TMCC3: variants seen among roughly 807,000 people sequenced by gnomAD.
The protein encoded by TMCC3 is transmembrane and coiled-coil domain family 3.
Under a neutral mutation model 40.2 loss-of-function variants are expected in TMCC3, and 28 were observed. That is an observed-to-expected ratio of 0.70 (90% CI 0.52 to 0.95). TMCC3 has a LOEUF of 0.95. TMCC3 is among the 40% of genes least tolerant of loss of function. The pLI is 0.00. For synonymous variants in TMCC3, 255 were observed against 248.5 expected (o/e 1.03, Z -0.25); for missense variants, 554 against 615.2 (o/e 0.90, Z 1.05).
intron 1 of TMCC3, among the ~76,000 whole-genome samples, chr12:94,587,403 T>C (rs1180955606): frequency 6.6e-6 from 1 of 152,202 alleles, no homozygotes; most frequent in Non-Finnish European, 1.5e-5. Flanking sequence ...CAAGCTATCA[T>C]TACTGTGAGA....
intron 1 of TMCC3, among the ~76,000 whole-genome samples, chr12:94,599,556 A>ACC (rs10545928): frequency 4.0e-4 from 28 of 69,560 alleles, no homozygotes; most frequent in African/African-American, 1.2e-3. Flanking sequence ...TTTAAAAGAT[A>ACC]CCCCCCCCCC....
intron 1 of TMCC3, among the ~76,000 whole-genome samples, chr12:94,622,571 A>G (rs1242036012): frequency 1.3e-5 from 2 of 152,174 alleles, no homozygotes; most frequent in Admixed American, 1.3e-4. Context: ...TGCGATTCAA[A>G]TCTGTAATGG....
intron 1 of TMCC3, among the ~76,000 whole-genome samples, chr12:94,634,121 T>C (rs2068947897): frequency 6.6e-6 from 1 of 151,972 alleles, no homozygotes; most frequent in Non-Finnish European, 1.5e-5. Context: ...TGTTTTGTAT[T>C]TTTAGTAGAG....
At chr12:94,572,068 C>T (rs1432185901) in intron 3 of TMCC3, among the ~76,000 whole-genome samples, 1 of 152,144 alleles carries the variant, frequency 6.6e-6, no homozygotes, top group Non-Finnish European at 1.5e-5. Flanking sequence ...GGTGCGATCT[C>T]AGCTCACTGC....
chr12:94,634,144 C>T (rs950615457), intron 1 of TMCC3, among the ~76,000 whole-genome samples: 10 of 151,880 alleles, frequency 6.6e-5, no homozygotes, highest in African/African-American at 1.7e-4. Context: ...GAGGTTTCAC[C>T]GTGTTGGCCA....
At chr12:94,623,428 C>T (rs1351197553) in intron 1 of TMCC3, among the ~76,000 whole-genome samples, 1 of 152,208 alleles carries the variant, frequency 6.6e-6, no homozygotes, top group African/African-American at 2.4e-5. Flanking sequence ...GCAGCTTGTT[C>T]AAGCTACCAG....
At chr12:94,578,976 A>G (rs2138822130) in intron 2 of TMCC3, among the ~76,000 whole-genome samples, 1 of 152,318 alleles carries the variant, frequency 6.6e-6, no homozygotes, top group South Asian at 2.1e-4. Context: ...GGAAAGCACC[A>G]TGCTTTTAGT....
At chr12:94,633,072 C>T (rs935850191) in intron 1 of TMCC3, among the ~76,000 whole-genome samples, 7 of 152,018 alleles carry the variant, frequency 4.6e-5, no homozygotes, top group Non-Finnish European at 7.3e-5. Context: ...CACCATTGCA[C>T]TGCAGCCTGG....
chr12:94,582,765 G>A (rs563166897), intron 1 of TMCC3, among the ~76,000 whole-genome samples: 1 of 152,120 alleles, frequency 6.6e-6, no homozygotes, highest in Admixed American at 6.6e-5. Context: ...ATCTCCCAGG[G>A]TATCCACTTT....
chr12:94,593,029 T>C (rs1227451147), intron 1 of TMCC3, among the ~76,000 whole-genome samples: 3 of 151,892 alleles, frequency 2.0e-5, no homozygotes, highest in Non-Finnish European at 4.4e-5. Flanking sequence ...AAACCCCGTC[T>C]CTAATAAAAA....
intron 1 of TMCC3, chr12:94,616,326 G>A (rs2068847917): frequency 6.5e-6 from 1 of 153,454 alleles, no homozygotes; most frequent in African/African-American, 2.4e-5. Context: ...TTACCAATAA[G>A]GAAATGGGCT....
Position 94,650,411 on chromosome 12 carries a change from G to A in TMCC3, c.20C>T (p.Ala7Val). The A allele has an allele frequency of 1.5e-6, 2 of 1,313,750 alleles. No homozygotes were observed. Among genetic ancestry groups the A allele is most frequent in the Non-Finnish European group, 2.0e-6 (2 of 1,025,198 alleles). The allele number at this position is 1,313,750 out of a possible 1,614,324, so 81.4% of individuals were successfully genotyped here. The change falls in exon 1 of 4, where the codon GCG (alanine) becomes GTG (valine). Residue 7 changes from alanine (A) to valine (V), a missense_variant. Ala to Val is a moderately conservative substitution (Grantham distance 64). Transcript: ENST00000261226. MPGSDT[A>V]LTVDRTYSYP... is the part of the protein sequence containing the mutation. ...CGAGTAGGTCCGGTCCACGGTGAGC[G>A]CCGTGTCGCTGCCCGGCATCTCCGC...
Position 94,629,985 on chromosome 12 carries a change from G to A in TMCC3, c.78+20368C>T, listed in dbSNP as rs533532673. Among the ~76,000 whole-genome samples the A allele has an allele frequency of 3.1e-3, 475 of 152,292 alleles. 6 individuals carry two copies. Among genetic ancestry groups the A allele is most frequent in the African/African-American group, 0.011 (460 of 41,556 alleles). ...TTTTACAAAAGATATGAAGATACAG[G>A]CCAGGCGTGGTGGCTCATGCCTGTA... On this transcript the variant is annotated intron_variant, in intron 1 of 3. Transcript: ENST00000261226.
intron 1 of TMCC3, among the ~76,000 whole-genome samples, chr12:94,608,959 C>T (rs748819656): frequency 2.2e-4 from 34 of 152,292 alleles, no homozygotes; most frequent in Admixed American, 1.6e-3. Context: ...TTGGGCCAGG[C>T]GCTGTGGCCC....
chr12:94,587,425 C>T (rs1014726904), intron 1 of TMCC3, among the ~76,000 whole-genome samples: 7 of 152,304 alleles, frequency 4.6e-5, no homozygotes, highest in Non-Finnish European at 1.0e-4. Context: ...AGTACTGCAT[C>T]ATAAAAAGCC....
chr12:94,598,653 A>C (rs1291461810), intron 1 of TMCC3: 1 of 985,308 alleles, frequency 1.0e-6, no homozygotes, highest in Non-Finnish European at 1.2e-6. Context: ...CTAAAGCTCC[A>C]GCAGGTTCTA....
At chr12:94,630,260 A>ACC (rs1485205644) in intron 1 of TMCC3, among the ~76,000 whole-genome samples, 110 of 148,204 alleles carry the variant, frequency 7.4e-4, no homozygotes, top group Admixed American at 1.7e-3. Context: ...CTGTCCCAAA[A>ACC]AAAAAAAAAA....
intron 1 of TMCC3, among the ~76,000 whole-genome samples, chr12:94,623,486 A>G (rs984411769): frequency 6.6e-6 from 1 of 152,236 alleles, no homozygotes; most frequent in Non-Finnish European, 1.5e-5. Context: ...CCTTCATTCA[A>G]CCAGCACTTA....
chr12:94,615,117 T>A (rs541983805), intron 1 of TMCC3, among the ~76,000 whole-genome samples: 1 of 152,272 alleles, frequency 6.6e-6, no homozygotes, highest in African/African-American at 2.4e-5. Flanking sequence ...CCTGAATTAA[T>A]AAATGTGTGC....
Sources: allele counts gnomAD v4.1 joint callset (sites outside exome capture counted in the v4.1 genomes callset), GRCh38; gene constraint gnomAD v4.1.1; transcripts MANE v1.5; gene names NCBI Gene and HGNC (gene_info 2026-07-23, HGNC 2026-07-21).